The following CHST9 variants were observed in gnomAD, a reference collection of about 807,000 sequenced individuals.
CHST9 encodes GalNAc-4-sulfotransferase 2.
A neutral mutation model predicts 44.4 loss-of-function variants in CHST9; 41 were observed. The observed-to-expected ratio is 0.92, with a 90% CI of 0.72 to 1.20. The LOEUF (loss-of-function observed/expected upper bound fraction) is 1.20. Among genes scored for constraint, CHST9 ranks in the 50% most tolerant of loss-of-function variants. The pLI is 0.00. For synonymous variants in CHST9, 171 were observed against 178.4 expected, an observed-to-expected ratio of 0.96 and a Z score of 0.33; for missense variants, 504 against 516.5, an observed-to-expected ratio of 0.98 and a Z score of 0.23.
At chr18:26,957,451 G>A (rs1409781931) in intron 4 of CHST9, among the ~76,000 whole-genome samples, 1 of 151,866 alleles carries the variant, frequency 6.6e-6, no homozygotes, top group African/African-American at 2.4e-5. Flanking sequence ...GCTATCAATT[G>A]CTTTTTATCC....
At chr18:27,158,843 C>G (rs1291706815) in intron 1 of CHST9, among the ~76,000 whole-genome samples, 2 of 152,144 alleles carry the variant, frequency 1.3e-5, no homozygotes, top group Non-Finnish European at 1.5e-5. Context: ...ATTTGCATTT[C>G]TCTGATGGCC....
intron 2 of CHST9, among the ~76,000 whole-genome samples, chr18:27,081,079 G>T (rs2057956024): frequency 6.6e-6 from 1 of 152,200 alleles, no homozygotes; most frequent in Non-Finnish European, 1.5e-5. Flanking sequence ...GGGGCAGAAT[G>T]TTGGTGAATA....
At chr18:27,024,752 T>C (rs2057265763) in intron 3 of CHST9, among the ~76,000 whole-genome samples, 1 of 152,154 alleles carries the variant, frequency 6.6e-6, no homozygotes, top group South Asian at 2.1e-4. Flanking sequence ...ACCCCACGGA[T>C]ATTTAAATTA....
intron 2 of CHST9, among the ~76,000 whole-genome samples, chr18:27,109,214 A>AC (rs2058248319): frequency 6.6e-6 from 1 of 152,192 alleles, no homozygotes; most frequent in African/African-American, 2.4e-5. Flanking sequence ...TCATGCCCAC[A>AC]CCTGGGATGG....
chr18:26,993,750 T>C (rs1292747443), intron 4 of CHST9, among the ~76,000 whole-genome samples: 1 of 152,214 alleles, frequency 6.6e-6, no homozygotes, highest in Non-Finnish European at 1.5e-5. Flanking sequence ...GTTCTAAATA[T>C]GGCCATTTGG....
chr18:27,084,579 T>A (rs1598710190), intron 2 of CHST9, among the ~76,000 whole-genome samples: 1 of 152,016 alleles, frequency 6.6e-6, no homozygotes, highest in African/African-American at 2.4e-5. Flanking sequence ...ACCAATCTTA[T>A]CTATTCTTTC....
chr18:27,058,362 T>C (rs935284070), intron 2 of CHST9, among the ~76,000 whole-genome samples: 1 of 152,166 alleles, frequency 6.6e-6, no homozygotes, highest in Non-Finnish European at 1.5e-5. Flanking sequence ...TTCATAATGT[T>C]TATTCACTCC....
At chr18:27,100,020 G>GAT (rs10589747) in intron 2 of CHST9, among the ~76,000 whole-genome samples, 3 of 150,010 alleles carry the variant, frequency 2.0e-5, no homozygotes, top group South Asian at 2.1e-4. Context: ...TATATATAAT[G>GAT]ATATATATAT....
intron 3 of CHST9, among the ~76,000 whole-genome samples, chr18:27,045,024 T>A (rs796081706): frequency 1.1e-4 from 16 of 149,334 alleles, no homozygotes; most frequent in African/African-American, 4.0e-4. Context: ...TTTCCAATAA[T>A]GAATTTCACC....
intron 2 of CHST9, among the ~76,000 whole-genome samples, chr18:27,075,653 G>T (rs1197442511): frequency 6.6e-6 from 1 of 152,132 alleles, no homozygotes. Flanking sequence ...TCATTTGCCA[G>T]CATCAATTAC....
chr18:26,972,806 GCT>G (rs1269584533), intron 4 of CHST9, among the ~76,000 whole-genome samples: 2 of 152,168 alleles, frequency 1.3e-5, no homozygotes, highest in African/African-American at 4.8e-5. Flanking sequence ...CTTGCCACGG[GCT>G]CTGATACCAG....
At chr18:26,925,992 T>C (rs2055760460) in intron 5 of CHST9, 2 of 151,982 alleles carry the variant, frequency 1.3e-5, no homozygotes, top group South Asian at 2.1e-4. Flanking sequence ...GATAAGACAC[T>C]TGAGAGACAG....
At chr18:27,139,803 T>C (rs138071437) in intron 2 of CHST9, among the ~76,000 whole-genome samples, 18 of 152,294 alleles carry the variant, frequency 1.2e-4, no homozygotes, top group South Asian at 2.1e-4. Flanking sequence ...TTACCAGTCT[T>C]AACCAAGGAA....
At chr18:26,919,505 C>CTAT (rs2055606204) in intron 5 of CHST9, among the ~76,000 whole-genome samples, 1 of 152,130 alleles carries the variant, frequency 6.6e-6, no homozygotes, top group Non-Finnish European at 1.5e-5. Flanking sequence ...GATATTTATA[C>CTAT]TATTACACTG....
In CHST9 at chr18:27,139,516, A is replaced by T. The variant is rs182953704; in HGVS notation, c.121+3173T>A. On this transcript the variant is annotated intron_variant, in intron 2 of 5. Coordinates refer to ENST00000618847, the MANE Select transcript of CHST9 (RefSeq NM_031422.6). ...ACACACACACATATATATATATATA[A>T]AAAATAAATGTCTGCCTACCTAGAA... Among the ~76,000 whole-genome samples the T allele has an allele frequency of 5.6e-3, 846 of 151,960 alleles. 3 individuals are homozygous for T. Among genetic ancestry groups the T allele is most frequent in the South Asian group, 8.9e-3 (43 of 4,812 alleles).
intron 5 of CHST9, chr18:26,930,830 G>A (rs2055863584): frequency 6.5e-6 from 1 of 153,208 alleles, no homozygotes; most frequent in African/African-American, 2.4e-5. Flanking sequence ...CTCAGTAAGT[G>A]CAATGTGCAG....
At chr18:27,060,515 G>C (rs1358390606) in intron 2 of CHST9, among the ~76,000 whole-genome samples, 1 of 152,166 alleles carries the variant, frequency 6.6e-6, no homozygotes, top group Non-Finnish European at 1.5e-5. Context: ...GAAGGAGAGT[G>C]GGAATGTTGA....
At chr18:27,002,046 T>TAA (rs36071564) in intron 4 of CHST9, among the ~76,000 whole-genome samples, 1 of 143,710 alleles carries the variant, frequency 7.0e-6, no homozygotes, top group Non-Finnish European at 1.5e-5. Context: ...ATTGACAAAG[T>TAA]AAAAAAAAAA....
At chr18:26,981,896 T>C (rs887587139) in intron 4 of CHST9, among the ~76,000 whole-genome samples, 4 of 152,198 alleles carry the variant, frequency 2.6e-5, no homozygotes, top group Non-Finnish European at 5.9e-5. Context: ...GAAGTTCTTA[T>C]CAGCTCTCTC....
Sources: allele counts gnomAD v4.1 joint callset (sites outside exome capture counted in the v4.1 genomes callset), GRCh38; gene constraint gnomAD v4.1.1; transcripts MANE v1.5; gene names NCBI Gene and HGNC (gene_info 2026-07-23, HGNC 2026-07-21).